The following HYDIN variants were observed in gnomAD, a reference collection of about 807,000 sequenced individuals.
HYDIN encodes HYDIN axonemal central pair apparatus protein, also known as axonemal central pair apparatus protein HYDIN.
HYDIN carries 132 observed loss-of-function variants against 403.9 expected under a neutral mutation model. The observed-to-expected ratio is 0.33, with a 90% CI of 0.28 to 0.38. The LOEUF (loss-of-function observed/expected upper bound fraction) is 0.38, where lower values mean the gene tolerates loss of function less well. HYDIN is among the 10% of genes least tolerant of loss of function. The probability of loss-of-function intolerance (pLI) is 1.00; values close to 1 mark genes in which losing one functional copy is unlikely to be tolerated. For synonymous variants in HYDIN, 1,202 were observed against 1,891.7 expected (o/e 0.64, Z 9.46); for missense variants, 2,827 against 5,009.5 (o/e 0.56, Z 13.15).
Position 71,214,888 on chromosome 16 carries a change from T to A in HYDIN, c.-24+15674A>T, listed in dbSNP as rs373876075. Among the ~76,000 whole-genome samples, 163 of 152,172 alleles carry A rather than the reference T, an allele frequency of 1.1e-3. 1 individual carries two copies. The highest frequency in any genetic ancestry group is 3.7e-3 in the African/African-American group (155 of 41,506). On this transcript the variant is annotated intron_variant, in intron 1 of 85. Coordinates refer to ENST00000393567, the MANE Select transcript of HYDIN (RefSeq NM_001270974.2). Reference sequence around the variant, plus strand: ...CTCCCCCGCAATCACTTAGCAAAAATAAACTACCAACACTCAAGTCCTAGA... The same window carrying A: ...CTCCCCCGCAATCACTTAGCAAAAAAAAACTACCAACACTCAAGTCCTAGA...
intron 20 of HYDIN, chr16:71,027,241 G>A (rs533574137): frequency 1.8e-6 from 2 of 1,122,678 alleles, no homozygotes; most frequent in Non-Finnish European, 2.2e-6. Flanking sequence ...CCAGAGTGTC[G>A]ATATAAACAC....
intron 23 of HYDIN, among the ~76,000 whole-genome samples, chr16:71,006,591 T>TA (rs1440971278): frequency 6.6e-6 from 1 of 151,992 alleles, no homozygotes; most frequent in East Asian, 1.9e-4. Context: ...TGATTATCAC[T>TA]AAAAATCCCC....
intron 45 of HYDIN, among the ~76,000 whole-genome samples, chr16:70,926,844 A>G (rs2077168337): frequency 6.6e-6 from 1 of 152,096 alleles, no homozygotes; most frequent in Non-Finnish European, 1.5e-5. Flanking sequence ...TGCAATAACA[A>G]AATGAAAAAC....
intron 18 of HYDIN, among the ~76,000 whole-genome samples, chr16:71,046,579 A>G (rs1352022765): frequency 2.0e-5 from 3 of 152,206 alleles, no homozygotes; most frequent in African/African-American, 7.2e-5. Context: ...TCCAGGTGCC[A>G]TCCTACAAAG....
intron 18 of HYDIN, among the ~76,000 whole-genome samples, chr16:71,042,458 G>GTCTC (rs368647573): frequency 2.7e-5 from 4 of 150,216 alleles, no homozygotes; most frequent in African/African-American, 7.3e-5. Flanking sequence ...CACTCTCCAT[G>GTCTC]TCTCTCTCTC....
chr16:70,807,493 C>T lies in HYDIN; in HGVS notation c.*87G>A, dbSNP rs1475398165. On this transcript the variant is annotated 3_prime_UTR_variant, in exon 86 of 86. Coordinates refer to ENST00000393567, the MANE Select transcript of HYDIN (RefSeq NM_001270974.2). ...TTGTATGAGAAGAATAAAAACAGTT[C>T]CTTTAGAATTCTTATTGTTTTCTCT... The T allele has an allele frequency of 3.5e-6, 5 of 1,414,844 alleles. No homozygotes were observed. The African/African-American group carries it at 4.3e-5, about 12-fold the overall frequency. 87.6% of individuals were successfully genotyped at this position (1,414,844 alleles called of 1,614,324 possible).
At chr16:71,205,255 C>A (rs1241999810) in intron 1 of HYDIN, among the ~76,000 whole-genome samples, 1 of 152,176 alleles carries the variant, frequency 6.6e-6, no homozygotes, top group Non-Finnish European at 1.5e-5. Context: ...TGCATCAGGG[C>A]AACAGGGGAA....
intron 1 of HYDIN, among the ~76,000 whole-genome samples, chr16:71,214,604 C>T (rs2088775844): frequency 6.6e-6 from 1 of 152,186 alleles, no homozygotes. Context: ...CTGACAGGAA[C>T]CTCCTAGTGC....
At chr16:70,881,525 G>A (rs1388131503) in intron 60 of HYDIN, among the ~76,000 whole-genome samples, 3 of 145,546 alleles carry the variant, frequency 2.1e-5, no homozygotes, top group Non-Finnish European at 3.0e-5. Flanking sequence ...GGAGAATGGC[G>A]TGAACCTGGG....
At position 70,806,156 on chromosome 16, in the gene HYDIN, TTTA is replaced by T. The variant is rs558718494; in HGVS notation, c.*1421_*1423del. Among the ~76,000 whole-genome samples, 4 of 152,110 alleles carry T rather than the reference TTTA, an allele frequency of 2.6e-5. No individual in the cohort carries two copies. The highest frequency in any genetic ancestry group is 2.1e-4 in the South Asian group (1 of 4,828). On this transcript the variant is annotated 3_prime_UTR_variant, in exon 86 of 86. Transcript: ENST00000393567. ...TGGCATATTATTATAATTATTACAT[TTTA>T]TTATTATTATTGTTAATGTCTTACT... is the stretch of plus-strand genomic sequence containing the variant.
chr16:70,834,238 C>A lies in HYDIN; in HGVS notation c.13402-74G>T. 10 of 930,686 alleles carry A rather than the reference C, an allele frequency of 1.1e-5. No homozygotes were observed. In the South Asian group the frequency reaches 1.4e-4, roughly 13 times the overall value. The allele number at this position is 930,686 out of a possible 1,614,324, so 57.7% of individuals were successfully genotyped here. A position where few individuals can be genotyped will look rare whatever the true frequency, so the allele number is the denominator to read the frequency against. On this transcript the variant is annotated intron_variant, in intron 78 of 85. Transcript: ENST00000393567. ...AAGGCCTCGGTTCCCGGAGTTCTTG[C>A]TGCTGCGATTGGAACAGGGGTCAGA...
At chr16:71,007,313 G>A (rs2079919625) in intron 23 of HYDIN, among the ~76,000 whole-genome samples, 1 of 152,076 alleles carries the variant, frequency 6.6e-6, no homozygotes, top group African/African-American at 2.4e-5. Flanking sequence ...TCAATTCCAT[G>A]CACAGCAGTA....
intron 18 of HYDIN, among the ~76,000 whole-genome samples, chr16:71,049,601 CAGA>C (rs2081567705): frequency 6.6e-6 from 1 of 152,150 alleles, no homozygotes; most frequent in Non-Finnish European, 1.5e-5. Context: ...TCCAAATGCT[CAGA>C]AGAACAGCTG....
chr16:71,025,427 GAGGTGCGACGA>G lies in HYDIN; in HGVS notation c.3131_3141del (p.Phe1044SerfsTer18). 1 of 348,588 alleles carries G rather than the reference GAGGTGCGACGA, an allele frequency of 2.9e-6. No individual in the cohort carries two copies. Among genetic ancestry groups the G allele is most frequent in the Admixed American group, 6.3e-5 (1 of 15,838 alleles). 21.6% of individuals were successfully genotyped at this position (348,588 alleles called of 1,614,324 possible). A position where few individuals can be genotyped will look rare whatever the true frequency, so the allele number is the denominator to read the frequency against. ...AGCTGCTTGGTGGAGAGCTGGATGA[GAGGTGCGACGA>G]ACTCACAGGTGATGTTCACAGCCAT... On this transcript the variant is annotated frameshift_variant, in exon 21 of 86. Coordinates refer to ENST00000393567, the MANE Select transcript of HYDIN (RefSeq NM_001270974.2). LOFTEE classifies it high-confidence loss of function.
intron 23 of HYDIN, among the ~76,000 whole-genome samples, chr16:70,999,278 G>A (rs2079625902): frequency 6.6e-6 from 1 of 151,830 alleles, no homozygotes; most frequent in African/African-American, 2.4e-5. Context: ...AACTTCCCAA[G>A]GTGATTCTAA....
chr16:70,868,746 T>C lies in HYDIN; in HGVS notation c.11134A>G (p.Thr3712Ala). ...HPGCAKDIVV[T>A]MKSDVPINLK... ...TTGATGGGTACATCTGACTTCATGGTCACCACTATGTCCTTGGCACACCCA... is the reference window on the plus strand; with the variant it reads ...TTGATGGGTACATCTGACTTCATGGCCACCACTATGTCCTTGGCACACCCA... Residue 3712 changes from threonine to alanine, a missense_variant, in exon 66 of 86, where the codon ACC becomes GCC. By Grantham distance (58) the Thr-to-Ala change is moderately conservative. Coordinates refer to ENST00000393567, the MANE Select transcript of HYDIN (RefSeq NM_001270974.2). 6.2e-7 allele frequency: 1 copy of C among 1,614,040 alleles called. No individual in the cohort carries two copies. Among genetic ancestry groups the C allele is most frequent in the Non-Finnish European group, 8.5e-7 (1 of 1,179,998 alleles).
rs578140975 is a variant in HYDIN, at chr16:71,126,943, C to G, written c.1227+2697G>C. Among the ~76,000 whole-genome samples the G allele has an allele frequency of 4.6e-4, 70 of 151,956 alleles. No individual in the cohort carries two copies. In the South Asian group the frequency reaches 0.014, roughly 31 times the overall value. On this transcript the variant is annotated intron_variant, in intron 9 of 85. Transcript: ENST00000393567. Reference sequence around the variant, plus strand: ...AAGCACCCTTGGCTTGCATTTGTGCCAAGAAGTCTGTGAAATAGTAGAATT... The same window carrying G: ...AAGCACCCTTGGCTTGCATTTGTGCGAAGAAGTCTGTGAAATAGTAGAATT...
chr16:70,920,662 G>T lies in HYDIN; in HGVS notation c.7714C>A (p.Gln2572Lys). Residue 2572 changes from glutamine to lysine, a missense_variant, in exon 46 of 86, where the codon CAG becomes AAG. By Grantham distance (53) the Gln-to-Lys change is moderately conservative. Coordinates refer to ENST00000393567, the MANE Select transcript of HYDIN (RefSeq NM_001270974.2). ...KDLGVPFLDI[Q>K]TPDFEGLSWK... ...CTCAAGCCTTCAAAGTCTGGTGTCTGGATGTCTAGGAAGGGTACGCCCAGG... is the reference window on the plus strand; with the variant it reads ...CTCAAGCCTTCAAAGTCTGGTGTCTTGATGTCTAGGAAGGGTACGCCCAGG... The T allele has an allele frequency of 6.2e-7, 1 of 1,613,846 alleles. No homozygotes were observed. Among genetic ancestry groups the T allele is most frequent in the Non-Finnish European group, 8.5e-7 (1 of 1,179,894 alleles).
chr16:71,206,643 A>G (rs557337824), intron 1 of HYDIN, among the ~76,000 whole-genome samples: 1 of 152,356 alleles, frequency 6.6e-6, no homozygotes, highest in East Asian at 1.9e-4. Context: ...GATTCAGGAG[A>G]ATGTTGAAAC....
Sources: allele counts gnomAD v4.1 joint callset (sites outside exome capture counted in the v4.1 genomes callset), GRCh38; gene constraint gnomAD v4.1.1; transcripts MANE v1.5; gene names NCBI Gene and HGNC (gene_info 2026-07-23, HGNC 2026-07-21).